Variants in PTPN4 observed in about 807,000 individuals in gnomAD.
The protein encoded by PTPN4 is protein tyrosine phosphatase non-receptor type 4.
In PTPN4, 49 loss-of-function variants were observed where a neutral mutation model predicts 135.5. That is an observed-to-expected ratio of 0.36 (90% confidence interval 0.29 to 0.46). PTPN4 has a LOEUF of 0.46. PTPN4 is among the 20% of genes least tolerant of loss of function. PTPN4 has a pLI of 1.00. For missense variants in PTPN4, 860 were observed against 1,101.0 expected, an observed-to-expected ratio of 0.78 and a Z score of 3.10; for synonymous variants, 333 against 369.9, an observed-to-expected ratio of 0.90 and a Z score of 1.14.
chr2:119,828,780 A>G (rs1677180699), intron 2 of PTPN4, among the ~76,000 whole-genome samples: 1 of 152,216 alleles, frequency 6.6e-6, no homozygotes, highest in African/African-American at 2.4e-5. Context: ...TTTTCCCAAC[A>G]TCTTTTCACT....
At position 119,882,099 on chromosome 2, in the gene PTPN4, T is replaced by C; in HGVS notation, c.416T>C (p.Leu139Ser). 6.2e-7 allele frequency: 1 copy of C among 1,606,568 alleles called. No individual in the cohort carries two copies. The highest frequency in any genetic ancestry group is 8.5e-7 in the Non-Finnish European group (1 of 1,173,400). ...QIKQDILTGR[L>S]PCPSNTAALL... ...GTATTTTTGTTTTGTTTTATTAGAT[T>C]ACCCTGTCCTTCTAATACTGCTGCC... Residue 139 changes from leucine to serine, a missense_variant and splice_region_variant, in exon 7 of 27, where the codon TTA becomes TCA. Coordinates refer to ENST00000263708, the MANE Select transcript of PTPN4 (RefSeq NM_002830.4).
At chr2:119,930,863 A>G (rs1057089592) in intron 13 of PTPN4, among the ~76,000 whole-genome samples, 2 of 151,510 alleles carry the variant, frequency 1.3e-5, no homozygotes, top group African/African-American at 2.4e-5. Context: ...AAGTGTATAC[A>G]TAGTACATGA....
rs904472483 is a variant in PTPN4, at chr2:119,923,923, G to T, written c.1002-2675G>T. On this transcript the variant is annotated intron_variant, in intron 12 of 26. Transcript: ENST00000263708. ...GAGGTCGAGGCGGGCGGATCACGAG[G>T]TCAGCAGATCGAGACCATCTTGGCT... Among the ~76,000 whole-genome samples, 17 of 152,146 alleles carry T rather than the reference G, an allele frequency of 1.1e-4. No individual in the cohort carries two copies. The East Asian group carries it at 2.7e-3, about 24-fold the overall frequency.
intron 1 of PTPN4, among the ~76,000 whole-genome samples, chr2:119,795,207 T>C (rs1691230214): frequency 6.6e-6 from 1 of 152,156 alleles, no homozygotes; most frequent in South Asian, 2.1e-4. Flanking sequence ...TGGGTGGCCA[T>C]GGACGGACTG....
At chr2:119,887,940 GA>G (rs1203177552) in intron 9 of PTPN4, among the ~76,000 whole-genome samples, 3 of 152,070 alleles carry the variant, frequency 2.0e-5, no homozygotes, top group African/African-American at 4.8e-5. Context: ...GATTGCACTG[GA>G]TCTGTAGAGT....
chr2:119,818,087 T>C (rs545826214), intron 2 of PTPN4, among the ~76,000 whole-genome samples: 102 of 152,334 alleles, frequency 6.7e-4, no homozygotes, highest in African/African-American at 2.5e-3. Context: ...TTTCTAGATA[T>C]AGGATCATGT....
At chr2:119,942,387 G>A (rs72952807) in intron 15 of PTPN4, among the ~76,000 whole-genome samples, 3,871 of 152,210 alleles carry the variant, frequency 0.025, 168 homozygotes, top group African/African-American at 0.087. Flanking sequence ...TGCTGATCAG[G>A]CTTGAGTTTC....
At chr2:119,771,801 T>G (rs1690740282) in intron 1 of PTPN4, among the ~76,000 whole-genome samples, 1 of 152,214 alleles carries the variant, frequency 6.6e-6, no homozygotes, top group South Asian at 2.1e-4. Context: ...ATTTAAAATC[T>G]TCTTGATGTT....
intron 10 of PTPN4, among the ~76,000 whole-genome samples, chr2:119,914,414 A>G (rs1322539415): frequency 1.3e-5 from 2 of 152,066 alleles, no homozygotes; most frequent in Non-Finnish European, 2.9e-5. Context: ...CCAAACATGC[A>G]TGCTTGAAAA....
intron 2 of PTPN4, among the ~76,000 whole-genome samples, chr2:119,824,283 G>C (rs555291117): frequency 1.4e-4 from 21 of 152,088 alleles, no homozygotes; most frequent in Admixed American, 5.9e-4. Flanking sequence ...CTCTTTTTGG[G>C]GGGGAGGCAG....
chr2:119,777,856 A>G (rs1258835943), intron 1 of PTPN4, among the ~76,000 whole-genome samples: 2 of 151,842 alleles, frequency 1.3e-5, no homozygotes, highest in Non-Finnish European at 2.9e-5. Context: ...AGGTCTTGGC[A>G]TATTGCCCAG....
At chr2:119,845,360 A>T (rs1310961647) in intron 2 of PTPN4, among the ~76,000 whole-genome samples, 4 of 150,242 alleles carry the variant, frequency 2.7e-5, no homozygotes, top group African/African-American at 9.8e-5. Context: ...TCTGGATCTG[A>T]TTTTTTCTTT....
chr2:119,809,895 T>G lies in PTPN4; in HGVS notation c.42T>G (p.Asn14Lys), dbSNP rs1249501161. 1 of 1,613,704 alleles carries G rather than the reference T, an allele frequency of 6.2e-7. No homozygotes were observed. The highest frequency in any genetic ancestry group is 8.5e-7 in the Non-Finnish European group (1 of 1,179,826). Reference protein sequence around the residue: ...RFRLPAGRTYNVRASELARDR... With the variant: ...RFRLPAGRTYKVRASELARDR... ...GATTGCCTGCTGGCAGAACCTACAATGTACGAGCATCAGAGTTGGCCCGAG... is the reference window on the plus strand; with the variant it reads ...GATTGCCTGCTGGCAGAACCTACAAGGTACGAGCATCAGAGTTGGCCCGAG... Residue 14 changes from asparagine to lysine, a missense_variant, in exon 2 of 27, where the codon AAT becomes AAG. Coordinates refer to ENST00000263708, the MANE Select transcript of PTPN4 (RefSeq NM_002830.4).
At chr2:119,903,239 C>T (rs920400757) in intron 10 of PTPN4, among the ~76,000 whole-genome samples, 6 of 152,172 alleles carry the variant, frequency 3.9e-5, no homozygotes, top group East Asian at 3.9e-4. Context: ...TCACATCCTC[C>T]GGCAGCAAGA....
intron 11 of PTPN4, among the ~76,000 whole-genome samples, chr2:119,919,823 C>CAA (rs768606079): frequency 0.032 from 2,051 of 64,198 alleles, 41 homozygotes; most frequent in Non-Finnish European, 0.053. Context: ...GACTGTGTCT[C>CAA]AAAAAAAAAA....
At position 119,982,222 on chromosome 2, in the gene PTPN4, A is replaced by G. The variant is rs1217607332; in HGVS notation, c.*5152A>G. On this transcript the variant is annotated 3_prime_UTR_variant, in exon 27 of 27. Transcript: ENST00000263708. ...TAGAGTTTCCTACCTTTGTTGTGTAAAGGATATAGAAAATATTTTTCTATG... is the reference window on the plus strand; with the variant it reads ...TAGAGTTTCCTACCTTTGTTGTGTAGAGGATATAGAAAATATTTTTCTATG... 6.6e-6 allele frequency: 1 copy of G among 152,174 alleles called. No homozygotes were observed. The highest frequency in any genetic ancestry group is 1.5e-5 in the Non-Finnish European group (1 of 68,018). 9.4% of individuals were successfully genotyped at this position (152,174 alleles called of 1,614,324 possible).
intron 9 of PTPN4, among the ~76,000 whole-genome samples, chr2:119,899,362 G>A (rs1429967988): frequency 1.3e-5 from 2 of 152,050 alleles, no homozygotes; most frequent in Non-Finnish European, 1.5e-5. Context: ...AACTGAACTC[G>A]TACCTGAAAA....
intron 1 of PTPN4, among the ~76,000 whole-genome samples, chr2:119,778,399 C>T (rs1018593401): frequency 6.6e-6 from 1 of 152,136 alleles, no homozygotes; most frequent in Non-Finnish European, 1.5e-5. Flanking sequence ...GTTTCCATCC[C>T]TAACTAGACT....
At position 119,767,663 on chromosome 2, in the gene PTPN4, T is replaced by C. The variant is rs116136041; in HGVS notation, c.-18+7279T>C. 3.3e-3 allele frequency among the ~76,000 whole-genome samples: 502 copies of C among 152,364 alleles called. 2 individuals are homozygous for C. Among genetic ancestry groups the C allele is most frequent in the African/African-American group, 0.011 (475 of 41,588 alleles). On this transcript the variant is annotated intron_variant, in intron 1 of 26. Coordinates refer to ENST00000263708, the MANE Select transcript of PTPN4 (RefSeq NM_002830.4). ...TCCTTTATGACCTTGACAGTTTTAA[T>C]GAGCAGAGTCCTTTTTTTCTGTTAC...
Sources: allele counts gnomAD v4.1 joint callset (sites outside exome capture counted in the v4.1 genomes callset), GRCh38; gene constraint gnomAD v4.1.1; transcripts MANE v1.5; gene names NCBI Gene and HGNC (gene_info 2026-07-23, HGNC 2026-07-21).